Variants in SMAD7 observed in about 807,000 individuals in gnomAD.
SMAD7 encodes MAD (mothers against decapentaplegic, Drosophila) homolog 7.
SMAD7 carries 8 observed loss-of-function variants against 38.7 expected under a neutral mutation model. That is an observed-to-expected ratio of 0.21 (90% CI 0.12 to 0.37). SMAD7 has a LOEUF of 0.37. SMAD7 is among the 10% of genes least tolerant of loss of function. SMAD7 has a pLI of 1.00. For synonymous variants in SMAD7, 327 were observed against 265.1 expected (o/e 1.23, Z -2.27); for missense variants, 477 against 577.9 (o/e 0.83, Z 1.79).
intron 1 of SMAD7, among the ~76,000 whole-genome samples, chr18:48,948,854 C>A (rs1484716064): frequency 6.6e-6 from 1 of 152,274 alleles, no homozygotes; most frequent in African/African-American, 2.4e-5. Flanking sequence ...CCGGTCCGCT[C>A]GGCACTCGCG....
At chr18:48,949,725 A>G (rs2070238806) in intron 1 of SMAD7, 87 bp downstream of exon 1, 7 of 1,406,016 alleles carry the variant, frequency 5.0e-6, no homozygotes, top group South Asian at 2.9e-5. Context: ...CCCTGGAGGG[A>G]TGGCTGCACA....
intron 1 of SMAD7, chr18:48,948,651 T>C: frequency 2.4e-6 from 1 of 411,234 alleles, no homozygotes. Flanking sequence ...CCTCCACGTC[T>C]GCGGCCGCAG....
In SMAD7 at chr18:48,921,342, C is replaced by T; in HGVS notation, c.*30G>A. 3.2e-6 allele frequency: 5 copies of T among 1,575,842 alleles called. No individual in the cohort carries two copies. Among genetic ancestry groups the T allele is most frequent in the Non-Finnish European group, 4.3e-6 (5 of 1,154,446 alleles). ...AAAGTAGTTTGAAGTGTGGCCTGCT[C>T]AGCTCACGCTCTGTCCCCTCCGCAC... On this transcript the variant is annotated 3_prime_UTR_variant, in exon 4 of 4. Transcript: ENST00000262158. The surrounding 1 kb of genome is among the most constrained non-coding windows in gnomAD (Gnocchi z 6.4).
intron 2 of SMAD7, among the ~76,000 whole-genome samples, chr18:48,947,892 A>AACC (rs1491506031): frequency 7.1e-5 from 8 of 113,196 alleles, no homozygotes; most frequent in African/African-American, 1.4e-4. Flanking sequence ...GGAGGAACCT[A>AACC]CCCCCCCCCC....
At chr18:48,935,664 A>G (rs1463689058) in intron 3 of SMAD7, among the ~76,000 whole-genome samples, 1 of 152,204 alleles carries the variant, frequency 6.6e-6, no homozygotes, top group Admixed American at 6.5e-5. Context: ...CACTTCCCCC[A>G]GCAGAAAAGT....
rs1168820363 is a variant in SMAD7 at position 48,950,406 on chromosome 18, A to G, written c.19T>C (p.Ser7Pro). The change falls in exon 1 of 4, where the codon TCT becomes CCT. Residue 7 changes from serine (S) to proline (P), a missense_variant. Physicochemically the swap from Ser to Pro is moderately conservative, Grantham distance 74. Transcript: ENST00000262158. The part of the protein sequence containing the change: MFRTKR[S>P]ALVRRLWRSR... ...CTCCAGAGACGCCGGACGAGCGCAG[A>G]TCGTTTGGTCCTGAACATGCGGGGC... 3 of 1,552,432 alleles carry G rather than the reference A, an allele frequency of 1.9e-6. No homozygotes were observed. The highest frequency in any genetic ancestry group is 2.8e-5 in the African/African-American group (2 of 71,106).
At position 48,948,405 on chromosome 18, in the gene SMAD7, T is replaced by A; in HGVS notation, c.646A>T (p.Met216Leu). The change falls in exon 2 of 4, where the codon ATG becomes TTG. Residue 216 changes from methionine (M) to leucine (L), a missense_variant. Met to Leu is a conservative substitution (Grantham distance 15, BLOSUM62 2). Coordinates refer to ENST00000262158, the MANE Select transcript of SMAD7 (RefSeq NM_005904.4). ...TCACCAGTTGGTTTGAGAAAATCCATCGGGTATCTGGAGTAAGGAGGGGGG... is the reference window on the plus strand; with the variant it reads ...TCACCAGTTGGTTTGAGAAAATCCAACGGGTATCTGGAGTAAGGAGGGGGG... Reference protein sequence around the residue: ...SPPPPYSRYPMDFLKPTADCP... With the variant: ...SPPPPYSRYPLDFLKPTADCP... The A allele has an allele frequency of 6.2e-7, 1 of 1,602,998 alleles. No individual in the cohort carries two copies. Among genetic ancestry groups the A allele is most frequent in the Non-Finnish European group, 8.5e-7 (1 of 1,174,898 alleles).
At chr18:48,932,083 T>C (rs2070009088) in intron 3 of SMAD7, among the ~76,000 whole-genome samples, 1 of 152,184 alleles carries the variant, frequency 6.6e-6, no homozygotes, top group Admixed American at 6.5e-5. Flanking sequence ...TAACTAACTT[T>C]TTAATTTTCC....
chr18:48,924,472 AT>A (rs1446037621), intron 3 of SMAD7, among the ~76,000 whole-genome samples: 3 of 152,096 alleles, frequency 2.0e-5, no homozygotes, highest in Non-Finnish European at 4.4e-5. Flanking sequence ...GGAGCCTGAG[AT>A]CTGTAGCAGG....
intron 3 of SMAD7, among the ~76,000 whole-genome samples, chr18:48,940,098 C>A (rs1295637244): frequency 2.0e-5 from 3 of 152,190 alleles, no homozygotes; most frequent in Non-Finnish European, 4.4e-5. Context: ...ACCTCCCCTC[C>A]AGACGCCCCC....
intron 3 of SMAD7, among the ~76,000 whole-genome samples, chr18:48,924,358 C>A (rs2069900231): frequency 6.6e-6 from 1 of 151,986 alleles, no homozygotes; most frequent in Admixed American, 6.6e-5. Flanking sequence ...GACCTGAGAT[C>A]GAGGTGCCCC....
chr18:48,939,477 G>A (rs1031275946), intron 3 of SMAD7, among the ~76,000 whole-genome samples: 3 of 141,442 alleles, frequency 2.1e-5, no homozygotes, highest in Non-Finnish European at 4.5e-5. Flanking sequence ...CCTTCCTCCC[G>A]GGCAGTTTGC....
At chr18:48,946,327 G>A (rs895640749) in intron 2 of SMAD7, among the ~76,000 whole-genome samples, 10 of 151,764 alleles carry the variant, frequency 6.6e-5, no homozygotes, top group African/African-American at 1.7e-4. Context: ...TCTCCCATAC[G>A]CAAAATGGGG....
chr18:48,942,321 G>A (rs1337187864), intron 3 of SMAD7, among the ~76,000 whole-genome samples, 160 bp downstream of exon 3: 1 of 152,116 alleles, frequency 6.6e-6, no homozygotes, highest in Non-Finnish European at 1.5e-5. Flanking sequence ...GAGCTGAAGG[G>A]CACCACAATG....
At chr18:48,932,928 T>C (rs1045924304) in intron 3 of SMAD7, among the ~76,000 whole-genome samples, 6 of 152,164 alleles carry the variant, frequency 3.9e-5, no homozygotes, top group Non-Finnish European at 7.3e-5. Context: ...ATACTGTCTT[T>C]CCAGATGTTT....
intron 3 of SMAD7, among the ~76,000 whole-genome samples, chr18:48,931,596 T>C (rs550772406): frequency 1.7e-4 from 26 of 152,198 alleles, no homozygotes; most frequent in Non-Finnish European, 3.5e-4. Context: ...ATGGAAGCAG[T>C]CTTTGGCTTC....
intron 2 of SMAD7, among the ~76,000 whole-genome samples, chr18:48,943,428 G>T (rs1362755823): frequency 6.6e-6 from 1 of 152,192 alleles, no homozygotes; most frequent in East Asian, 1.9e-4. Flanking sequence ...TGAGGATAAT[G>T]ACAATTCCAG....
intron 1 of SMAD7, 132 bp downstream of exon 1, chr18:48,949,680 G>A (rs1568307095): frequency 1.1e-5 from 11 of 963,598 alleles, no homozygotes; most frequent in Non-Finnish European, 1.6e-5. Flanking sequence ...TCCCAGGAGG[G>A]TATGCACACT....
chr18:48,947,785 C>G (rs2070210863), intron 2 of SMAD7, among the ~76,000 whole-genome samples: 1 of 152,076 alleles, frequency 6.6e-6, no homozygotes, highest in Admixed American at 6.5e-5. Flanking sequence ...AGTGACAAAG[C>G]AGCAGACAGG....
Sources: allele counts gnomAD v4.1 joint callset (sites outside exome capture counted in the v4.1 genomes callset), GRCh38; gene constraint gnomAD v4.1.1; non-coding constraint Gnocchi (gnomAD v3.1); transcripts MANE v1.5; gene names NCBI Gene and HGNC (gene_info 2026-07-23, HGNC 2026-07-21).